MEIS1: variants seen among roughly 807,000 people sequenced by gnomAD.
MEIS1 encodes Meis homeobox 1.
A neutral mutation model predicts 50.8 loss-of-function variants in MEIS1; 5 were observed. That is an observed-to-expected ratio of 0.10 (90% confidence interval 0.05 to 0.21). The LOEUF (loss-of-function observed/expected upper bound fraction) is 0.21. Ranked by LOEUF, MEIS1 falls within the 10% of genes least tolerant of loss-of-function variation. The pLI, the probability that MEIS1 is intolerant of heterozygous loss-of-function variation, is 1.00. For synonymous variants in MEIS1, 176 were observed against 179.3 expected (o/e 0.98, Z 0.15); for missense variants, 318 against 517.3 (o/e 0.61, Z 3.74).
chr2:66,457,127 T>G (rs1374062343), intron 6 of MEIS1, among the ~76,000 whole-genome samples: 1 of 151,262 alleles, frequency 6.6e-6, no homozygotes, highest in Non-Finnish European at 1.5e-5. Flanking sequence ...AAACTTGTTG[T>G]GGTTAAATGA....
At chr2:66,520,254 C>T (rs1046779825) in intron 8 of MEIS1, among the ~76,000 whole-genome samples, 2 of 151,594 alleles carry the variant, frequency 1.3e-5, no homozygotes, top group African/African-American at 4.9e-5. Flanking sequence ...GTGGGCGGAT[C>T]CTGAGGTCAG....
chr2:66,469,800 G>A (rs1343987678), intron 7 of MEIS1, among the ~76,000 whole-genome samples: 2 of 152,014 alleles, frequency 1.3e-5, no homozygotes, highest in Non-Finnish European at 2.9e-5. Context: ...AGTGGTTGAG[G>A]CCACAGAAGA....
chr2:66,452,704 T>C (rs1672303002), intron 6 of MEIS1, among the ~76,000 whole-genome samples: 1 of 151,996 alleles, frequency 6.6e-6, no homozygotes, highest in Non-Finnish European at 1.5e-5. Context: ...TTCAGCCTGC[T>C]TTCCCTGTCC....
intron 7 of MEIS1, among the ~76,000 whole-genome samples, chr2:66,478,282 A>G (rs886928754): frequency 1.4e-4 from 22 of 152,184 alleles, no homozygotes; most frequent in East Asian, 3.8e-4. Flanking sequence ...AAGTGGAAGC[A>G]TTGCTTTTAG....
intron 9 of MEIS1, among the ~76,000 whole-genome samples, chr2:66,555,923 C>T (rs921345325): frequency 1.3e-5 from 2 of 152,110 alleles, no homozygotes; most frequent in African/African-American, 2.4e-5. Flanking sequence ...GAAGTGTTTC[C>T]GAGGGCAAAC....
At chr2:66,439,125 C>A in intron 2 of MEIS1, 1 of 166,874 alleles carries the variant, frequency 6.0e-6, no homozygotes, top group Non-Finnish European at 1.2e-5. Flanking sequence ...CAAGCGACAT[C>A]TAGGCCCCTC....
At chr2:66,460,330 A>T (rs768795010) in intron 6 of MEIS1, among the ~76,000 whole-genome samples, 37 of 152,172 alleles carry the variant, frequency 2.4e-4, no homozygotes, top group Non-Finnish European at 4.3e-4. Context: ...TTACTACCAG[A>T]TGCCAGTAAG....
At chr2:66,464,948 G>T (rs1039527204) in intron 7 of MEIS1, among the ~76,000 whole-genome samples, 3 of 152,170 alleles carry the variant, frequency 2.0e-5, no homozygotes, top group South Asian at 4.1e-4. Flanking sequence ...ATGAGAGCCC[G>T]CTGTGTGGAT....
intron 8 of MEIS1, among the ~76,000 whole-genome samples, chr2:66,525,097 C>T (rs1674216012): frequency 6.6e-6 from 1 of 152,024 alleles, no homozygotes. Context: ...CTTGTAGTCC[C>T]AGCTACTCAA....
intron 1 of MEIS1, 125 bp from the exon 2 acceptor site, chr2:66,437,612 A>C (rs935653428): frequency 1.3e-6 from 1 of 784,074 alleles, no homozygotes; most frequent in Admixed American, 2.0e-5. Flanking sequence ...TTATAGATGC[A>C]AGGCCACCGA....
chr2:66,559,069 G>A (rs572172923), intron 9 of MEIS1, among the ~76,000 whole-genome samples: 3 of 152,100 alleles, frequency 2.0e-5, no homozygotes, highest in Non-Finnish European at 2.9e-5. Context: ...TTGAACCCAG[G>A]AGGCAGAAAT....
chr2:66,443,949 T>G (rs1289148707), intron 6 of MEIS1, among the ~76,000 whole-genome samples: 3 of 152,180 alleles, frequency 2.0e-5, no homozygotes, highest in Non-Finnish European at 4.4e-5. Context: ...GGAATTGCTG[T>G]GGGGATTTCT....
At chr2:66,492,758 G>A (rs1432922129) in intron 7 of MEIS1, among the ~76,000 whole-genome samples, 1 of 152,212 alleles carries the variant, frequency 6.6e-6, no homozygotes, top group Non-Finnish European at 1.5e-5. Context: ...AGGAAAAAGT[G>A]TGGTTACAAA....
chr2:66,473,397 A>AAAAAAAAAATAT, intron 7 of MEIS1, among the ~76,000 whole-genome samples: 15 of 107,586 alleles, frequency 1.4e-4, no homozygotes, highest in African/African-American at 8.7e-4. Context: ...AAAAAAAAAA[A>AAAAAAAAAATAT]ATATATATAT....
In MEIS1 at chr2:66,511,236, T is replaced by C. The variant is rs889827365; in HGVS notation, c.743-913T>C. Reference sequence around the variant, plus strand: ...ATTTTGAACAGTTATATGGGTTAAATTTTTATTTTTTCTTATTAAACATGG... The same window carrying C: ...ATTTTGAACAGTTATATGGGTTAAACTTTTATTTTTTCTTATTAAACATGG... On this transcript the variant is annotated intron_variant, in intron 7 of 12. Transcript: ENST00000272369. 2.6e-5 allele frequency among the ~76,000 whole-genome samples: 4 copies of C among 152,200 alleles called. No homozygotes were observed. In the East Asian group the frequency reaches 7.7e-4, roughly 29 times the overall value.
At chr2:66,526,024 C>G (rs965068842) in intron 8 of MEIS1, among the ~76,000 whole-genome samples, 1 of 152,208 alleles carries the variant, frequency 6.6e-6, no homozygotes, top group Non-Finnish European at 1.5e-5. Context: ...TATGTCTGCT[C>G]CAGGAGATCC....
chr2:66,447,566 C>G (rs1480352170), intron 6 of MEIS1, among the ~76,000 whole-genome samples: 20 of 152,064 alleles, frequency 1.3e-4, no homozygotes, highest in Admixed American at 1.2e-3. Context: ...TACATAGCAC[C>G]CTTTGAATTA....
intron 8 of MEIS1, among the ~76,000 whole-genome samples, chr2:66,521,175 T>G (rs1674109283): frequency 6.6e-6 from 1 of 152,150 alleles, no homozygotes; most frequent in South Asian, 2.1e-4. Context: ...TCTTGATAAT[T>G]TTTGCGTTTT....
intron 8 of MEIS1, among the ~76,000 whole-genome samples, chr2:66,518,129 A>G (rs1256729544): frequency 6.6e-6 from 1 of 152,154 alleles, no homozygotes; most frequent in African/African-American, 2.4e-5. Flanking sequence ...TGGGGTAATT[A>G]CAGTCAGTTG....
Sources: gnomAD v4.1 joint callset for allele counts (sites outside exome capture counted in the v4.1 genomes callset) on GRCh38, gnomAD v4.1.1 for gene constraint, MANE v1.5 for transcripts, NCBI Gene and HGNC (gene_info 2026-07-23, HGNC 2026-07-21) for gene names.